The following PAPSS1 variants were observed in gnomAD, a reference collection of about 807,000 sequenced individuals.
The protein encoded by PAPSS1 is bifunctional 3'-phosphoadenosine 5'-phosphosulfate synthase 1.
PAPSS1 carries 50 observed loss-of-function variants against 72.0 expected under a neutral mutation model. That is an observed-to-expected ratio of 0.69 (90% CI 0.55 to 0.88). The LOEUF (loss-of-function observed/expected upper bound fraction) is 0.88, where lower values mean the gene tolerates loss of function less well. Ranked by LOEUF, PAPSS1 falls within the 40% of genes least tolerant of loss-of-function variation. The pLI, the probability that PAPSS1 is intolerant of heterozygous loss-of-function variation, is 0.00. For synonymous variants in PAPSS1, 261 were observed against 263.6 expected (o/e 0.99, Z 0.09); for missense variants, 657 against 782.2 (o/e 0.84, Z 1.91).
rs189309023 is a variant in PAPSS1, at chr4:107,633,270, G to A, written c.1507-1410C>T. On this transcript the variant is annotated intron_variant, in intron 10 of 11. Coordinates refer to ENST00000265174, the MANE Select transcript of PAPSS1 (RefSeq NM_005443.5). ...CATCTGTAAAGTGAGGATTATAATA[G>A]TATTTATCTCATAGAAGTTTTAAGA... Among the ~76,000 whole-genome samples the A allele has an allele frequency of 7.8e-4, 118 of 152,248 alleles. 1 individual carries two copies. Among genetic ancestry groups the A allele is most frequent in the Admixed American group, 2.4e-3 (37 of 15,294 alleles).
rs1162755273 is a variant in PAPSS1, at chr4:107,687,148, T to C, written c.441A>G (p.Glu147=). 6.3e-7 allele frequency: 1 copy of C among 1,589,896 alleles called. No individual in the cohort carries two copies. The highest frequency in any genetic ancestry group is 8.5e-7 in the Non-Finnish European group (1 of 1,172,494). Residue 147 remains glutamate (E), a synonymous_variant, in exon 4 of 12, where the codon GAA becomes GAG. Coordinates refer to ENST00000265174, the MANE Select transcript of PAPSS1 (RefSeq NM_005443.5). ...CTTCAAAAAACGGTAAACTTGCACC[T>C]TCATGAATTTGCCTTGCATTGTTGC... ...QDRNNARQIH[E]GASLPFFEVF...
chr4:107,703,824 G>A (rs184364790), intron 1 of PAPSS1, among the ~76,000 whole-genome samples: 1 of 152,244 alleles, frequency 6.6e-6, no homozygotes, highest in East Asian at 1.9e-4. Context: ...GATTGCTTTG[G>A]TTATCTGGGG....
intron 1 of PAPSS1, 51 bp from the exon 2 acceptor site, chr4:107,701,336 G>T: frequency 1.8e-6 from 2 of 1,120,470 alleles, no homozygotes; most frequent in Non-Finnish European, 1.3e-6. Context: ...CCTTTAAAAG[G>T]CAAACACATA....
At chr4:107,640,100 A>G (rs1418298532) in intron 10 of PAPSS1, among the ~76,000 whole-genome samples, 2 of 152,320 alleles carry the variant, frequency 1.3e-5, no homozygotes, top group Non-Finnish European at 2.9e-5. Context: ...TACCTTTGAC[A>G]CTTTCACGTC....
At chr4:107,669,101 A>G (rs774843376) in intron 5 of PAPSS1, among the ~76,000 whole-genome samples, 1 of 152,190 alleles carries the variant, frequency 6.6e-6, no homozygotes, top group African/African-American at 2.4e-5. Flanking sequence ...GGAAAACCTA[A>G]CAAATGTCTT....
chr4:107,703,755 C>T (rs1443611788), intron 1 of PAPSS1, among the ~76,000 whole-genome samples: 1 of 152,150 alleles, frequency 6.6e-6, no homozygotes, highest in South Asian at 2.1e-4. Flanking sequence ...ACTATAGCTT[C>T]AGAGTGTGTT....
At chr4:107,661,254 G>A (rs1727175271) in intron 5 of PAPSS1, among the ~76,000 whole-genome samples, 1 of 152,012 alleles carries the variant, frequency 6.6e-6, no homozygotes, top group South Asian at 2.1e-4. Flanking sequence ...TAGCTGGTGG[G>A]GATGCAAAAT....
intron 5 of PAPSS1, among the ~76,000 whole-genome samples, chr4:107,671,857 A>G (rs1046942153): frequency 3.3e-5 from 5 of 152,204 alleles, no homozygotes; most frequent in African/African-American, 1.2e-4. Flanking sequence ...TCATTGTTGT[A>G]TTAATTTTCC....
At chr4:107,642,920 A>G (rs906632188) in intron 10 of PAPSS1, among the ~76,000 whole-genome samples, 1 of 152,208 alleles carries the variant, frequency 6.6e-6, no homozygotes, top group Non-Finnish European at 1.5e-5. Context: ...CCAAGGACCT[A>G]GCAATTCTCC....
intron 11 of PAPSS1, among the ~76,000 whole-genome samples, chr4:107,616,532 G>C: frequency 6.6e-6 from 1 of 152,148 alleles, no homozygotes. Flanking sequence ...TAAATATTTG[G>C]TGAAATATGA....
rs1323547112 is a variant in PAPSS1, at chr4:107,665,681, C to T, written c.670-5609G>A. ...TCTACTATTAATGAGAGGTGAATTC[C>T]GTAACCTGTAAGTCTAGAGATATTA... On this transcript the variant is annotated intron_variant, in intron 5 of 11. Transcript: ENST00000265174. 3.9e-5 allele frequency among the ~76,000 whole-genome samples: 6 copies of T among 152,054 alleles called. No homozygotes were observed. The South Asian group carries it at 1.0e-3, about 26-fold the overall frequency.
At chr4:107,694,193 T>C (rs1295089051) in intron 2 of PAPSS1, 187 bp from the exon 3 acceptor site, 2 of 554,140 alleles carry the variant, frequency 3.6e-6, no homozygotes, top group African/African-American at 1.9e-5. Flanking sequence ...TCCAAATAGC[T>C]AGGACAACAG....
In PAPSS1 at chr4:107,631,781, T is replaced by C. The variant is rs1443090550; in HGVS notation, c.1586A>G (p.His529Arg). ...ATAAAGATCCTTCCCTGTTTCTGGA[T>C]GAGGCATGCCAGCAGGGTCTCGTCC... ...IVGRDPAGMP[H>R]PETGKDLYEP... Residue 529 changes from histidine to arginine, a missense_variant, in exon 11 of 12, where the codon CAT (histidine) becomes CGT (arginine). Around this residue, in one of 7 missense-constraint regions of PAPSS1, gnomAD observed 166 missense variants for 228.3 expected, o/e 0.73. Transcript: ENST00000265174. 1 of 1,614,138 alleles carries C rather than the reference T, an allele frequency of 6.2e-7. No individual in the cohort carries two copies. The highest frequency in any genetic ancestry group is 8.5e-7 in the Non-Finnish European group (1 of 1,179,998).
At chr4:107,686,749 T>C (rs1722796815) in intron 4 of PAPSS1, among the ~76,000 whole-genome samples, 1 of 152,218 alleles carries the variant, frequency 6.6e-6, no homozygotes, top group Non-Finnish European at 1.5e-5. Context: ...AGGCAACTGA[T>C]GTCCAACTTA....
intron 6 of PAPSS1, among the ~76,000 whole-genome samples, chr4:107,659,401 CT>C (rs1165305401): frequency 1.3e-5 from 2 of 152,064 alleles, no homozygotes; most frequent in Non-Finnish European, 2.9e-5. Context: ...TTTAATCTCC[CT>C]TTTTTTAAAG....
intron 10 of PAPSS1, among the ~76,000 whole-genome samples, chr4:107,633,275 T>C: frequency 6.6e-6 from 1 of 152,202 alleles, no homozygotes; most frequent in East Asian, 1.9e-4. Context: ...TAATAGTATT[T>C]ATCTCATAGA....
At chr4:107,664,274 T>G (rs1291483387) in intron 5 of PAPSS1, among the ~76,000 whole-genome samples, 1 of 152,220 alleles carries the variant, frequency 6.6e-6, no homozygotes. Flanking sequence ...TCTTTTTGTA[T>G]GCTGTGATGG....
chr4:107,702,069 C>T (rs142136613), intron 1 of PAPSS1, among the ~76,000 whole-genome samples: 1,914 of 151,384 alleles, frequency 0.013, 144 homozygotes, highest in Admixed American at 0.12. Flanking sequence ...CAATAAGCCA[C>T]ATTATTTAAA....
intron 10 of PAPSS1, among the ~76,000 whole-genome samples, chr4:107,641,160 C>G (rs1726530806): frequency 6.6e-6 from 1 of 152,180 alleles, no homozygotes; most frequent in African/African-American, 2.4e-5. Flanking sequence ...CCAACTGTAG[C>G]AAAAATCTTG....
Sources: gnomAD v4.1 joint callset for allele counts (sites outside exome capture counted in the v4.1 genomes callset) on GRCh38, gnomAD v4.1.1 for gene constraint, gnomAD v4.1.1 regional missense constraint, MANE v1.5 for transcripts, NCBI Gene and HGNC (gene_info 2026-07-23, HGNC 2026-07-21) for gene names.